The following ESRRB variants were observed in gnomAD, a reference collection of about 807,000 sequenced individuals.
The protein encoded by ESRRB is estrogen related receptor beta.
A neutral mutation model predicts 46.0 loss-of-function variants in ESRRB; 16 were observed. The ratio of observed to expected loss-of-function variants is 0.35; its 90% confidence interval spans 0.24 to 0.53. ESRRB has a LOEUF of 0.53. Among genes scored for constraint, ESRRB ranks in the 20% least tolerant of loss-of-function variants. The pLI is 0.93. For missense variants in ESRRB, 488 were observed against 607.4 expected (o/e 0.80, Z 2.07); for synonymous variants, 246 against 259.6 (o/e 0.95, Z 0.50).
intron 1 of ESRRB, among the ~76,000 whole-genome samples, chr14:76,437,324 G>A (rs1037322343): frequency 6.6e-6 from 1 of 152,122 alleles, no homozygotes; most frequent in African/African-American, 2.4e-5. Flanking sequence ...GAGCCACCAC[G>A]CCCAGCCAGG....
At chr14:76,469,929 G>GTTTTTTT (rs769935944) in intron 3 of ESRRB, among the ~76,000 whole-genome samples, 34 of 78,724 alleles carry the variant, frequency 4.3e-4, no homozygotes, top group Non-Finnish European at 6.2e-4. Flanking sequence ...GTTTTTTGTT[G>GTTTTTTT]TTTTTTTTTT....
At chr14:76,341,526 C>T (rs1057470089) in intron 1 of ESRRB, among the ~76,000 whole-genome samples, 3 of 152,246 alleles carry the variant, frequency 2.0e-5, no homozygotes, top group African/African-American at 7.2e-5. Flanking sequence ...GCCTGAAAGC[C>T]TTTAGTGCTC....
intron 2 of ESRRB, among the ~76,000 whole-genome samples, chr14:76,449,106 A>G (rs1393770549): frequency 6.6e-6 from 1 of 152,168 alleles, no homozygotes; most frequent in Non-Finnish European, 1.5e-5. Context: ...ATTTTAAGCC[A>G]TAAGTATACG....
At chr14:76,436,398 C>T (rs2139925740) in intron 1 of ESRRB, among the ~76,000 whole-genome samples, 1 of 152,326 alleles carries the variant, frequency 6.6e-6, no homozygotes, top group Admixed American at 6.5e-5. Context: ...CTGTTTATGT[C>T]AAGTGTATCT....
At chr14:76,447,374 C>T (rs992842550) in intron 2 of ESRRB, among the ~76,000 whole-genome samples, 2 of 151,676 alleles carry the variant, frequency 1.3e-5, no homozygotes, top group South Asian at 2.1e-4. Flanking sequence ...CTTCAGCTTC[C>T]TGGTTCTTCC....
intron 1 of ESRRB, among the ~76,000 whole-genome samples, chr14:76,431,786 A>G (rs1434016163): frequency 6.6e-6 from 1 of 152,100 alleles, no homozygotes; most frequent in Non-Finnish European, 1.5e-5. Context: ...ATAGTTATCG[A>G]TCCAGTGGGG....
At chr14:76,368,157 T>C (rs1188550791), upstream of ESRRB, among the ~76,000 whole-genome samples, 1 of 142,896 alleles carries the variant, frequency 7.0e-6, no homozygotes, top group Non-Finnish European at 1.5e-5. Context: ...GTATTTTTAG[T>C]AGAGACGGGG....
At chr14:76,332,745 T>TATATAATATATAAC (rs1884042559) in intron 1 of ESRRB, among the ~76,000 whole-genome samples, 4 of 14,444 alleles carry the variant, frequency 2.8e-4, no homozygotes, top group Non-Finnish European at 3.2e-4. Flanking sequence ...ATTATATATT[T>TATATAATATATAAC]ATATATTATA....
At chr14:76,311,163 A>G (rs1024356922) in intron 1 of ESRRB, among the ~76,000 whole-genome samples, 2 of 152,084 alleles carry the variant, frequency 1.3e-5, no homozygotes, top group African/African-American at 4.8e-5. Flanking sequence ...GCTAGGTGGG[A>G]CGGTGACACA....
chr14:76,335,125 C>A lies in ESRRB; in HGVS notation c.2+24209C>A, dbSNP rs533468565. Reference sequence around the variant, plus strand: ...AGTTCACCACCACTGGGTCCTGGCCCACCCTGTTTGGCAACTCGCTTTGCA... The same window carrying A: ...AGTTCACCACCACTGGGTCCTGGCCAACCCTGTTTGGCAACTCGCTTTGCA... On this transcript the variant is annotated intron_variant, in intron 1 of 6. Coordinates refer to the ESRRB transcript ENST00000512784. 5.3e-5 allele frequency among the ~76,000 whole-genome samples: 8 copies of A among 152,316 alleles called. No individual in the cohort carries two copies. In the South Asian group the frequency reaches 1.4e-3, roughly 28 times the overall value.
intron 1 of ESRRB, among the ~76,000 whole-genome samples, chr14:76,312,845 T>A (rs1431935862): frequency 6.6e-6 from 1 of 152,100 alleles, no homozygotes; most frequent in Non-Finnish European, 1.5e-5. Context: ...GACTTTCAGA[T>A]CTCAATGGCT....
At chr14:76,312,184 A>G (rs1883746221) in intron 1 of ESRRB, among the ~76,000 whole-genome samples, 1 of 152,184 alleles carries the variant, frequency 6.6e-6, no homozygotes, top group African/African-American at 2.4e-5. Context: ...CAAAGCAGAT[A>G]TGCCTGTATT....
intron 1 of ESRRB, among the ~76,000 whole-genome samples, chr14:76,404,637 C>G (rs10145375): frequency 0.06 from 9,077 of 152,246 alleles, 943 homozygotes; most frequent in African/African-American, 0.21. Flanking sequence ...GCCTCCTTTT[C>G]TCCCTCCCCT....
At chr14:76,385,743 T>G (rs1885201090) in intron 1 of ESRRB, among the ~76,000 whole-genome samples, 1 of 152,366 alleles carries the variant, frequency 6.6e-6, no homozygotes, top group Admixed American at 6.5e-5. Flanking sequence ...AAATAGCAAC[T>G]GACCTGGCCT....
intron 1 of ESRRB, among the ~76,000 whole-genome samples, chr14:76,334,083 A>G (rs1246866924): frequency 6.6e-6 from 1 of 152,202 alleles, no homozygotes; most frequent in Non-Finnish European, 1.5e-5. Context: ...TGGCAGGTAG[A>G]AAGTGCTAGC....
At chr14:76,486,567 T>C (rs1890029356) in intron 5 of ESRRB, among the ~76,000 whole-genome samples, 1 of 152,196 alleles carries the variant, frequency 6.6e-6, no homozygotes, top group Non-Finnish European at 1.5e-5. Context: ...GCTTTTTTTT[T>C]TTCCCCCTTC....
chr14:76,326,320 C>T (rs1190314401), intron 1 of ESRRB, among the ~76,000 whole-genome samples: 1 of 152,208 alleles, frequency 6.6e-6, no homozygotes, highest in Non-Finnish European at 1.5e-5. Context: ...AGCTGATGGC[C>T]TGAGGACAGC....
At chr14:76,357,993 G>A (rs1168460792) in intron 1 of ESRRB, among the ~76,000 whole-genome samples, 1 of 152,000 alleles carries the variant, frequency 6.6e-6, no homozygotes. Context: ...TAAATTGCCT[G>A]TTTGAAATAT....
chr14:76,434,000 C>T (rs573576190), intron 1 of ESRRB, among the ~76,000 whole-genome samples: 3 of 150,580 alleles, frequency 2.0e-5, no homozygotes, highest in Admixed American at 6.6e-5. Context: ...TCTCTGTCAC[C>T]CAGGCTGGAG....
Sources: allele counts gnomAD v4.1 joint callset (sites outside exome capture counted in the v4.1 genomes callset), GRCh38; gene constraint gnomAD v4.1.1; transcripts MANE v1.5; gene names NCBI Gene and HGNC (gene_info 2026-07-23, HGNC 2026-07-21).